The following HCRTR2 variants were observed in gnomAD, a reference collection of about 807,000 sequenced individuals.
HCRTR2 encodes hypocretin receptor 2.
Under a neutral mutation model 49.0 loss-of-function variants are expected in HCRTR2, and 22 were observed. The observed-to-expected ratio is 0.45, with a 90% CI of 0.32 to 0.64. The LOEUF is 0.64. Among genes scored for constraint, HCRTR2 ranks in the 30% least tolerant of loss-of-function variants. The pLI, the probability that HCRTR2 is intolerant of heterozygous loss-of-function variation, is 0.04. For synonymous variants in HCRTR2, 236 were observed against 205.3 expected (o/e 1.15, Z -1.28); for missense variants, 491 against 559.4 (o/e 0.88, Z 1.23).
chr6:55,174,316 G>A (rs1382731394), upstream of HCRTR2: 2 of 502,216 alleles, frequency 4.0e-6, no homozygotes, highest in Non-Finnish European at 7.2e-6. Context: ...TCTCCTCCTG[G>A]TGTCATTGCT....
At chr6:55,144,619 G>A (rs1561985812) in intron 1 of HCRTR2, among the ~76,000 whole-genome samples, 1 of 152,158 alleles carries the variant, frequency 6.6e-6, no homozygotes, top group African/African-American at 2.4e-5. Context: ...ATTCTCCTAA[G>A]TAGAGCGCAC....
At chr6:55,256,095 G>A (rs576278158) in intron 3 of HCRTR2, among the ~76,000 whole-genome samples, 10 of 152,056 alleles carry the variant, frequency 6.6e-5, no homozygotes, top group Non-Finnish European at 1.2e-4. Context: ...TGAGAATACT[G>A]CTATCAACAC....
At chr6:55,213,361 A>G (rs1485986664) in intron 1 of HCRTR2, among the ~76,000 whole-genome samples, 1 of 152,168 alleles carries the variant, frequency 6.6e-6, no homozygotes, top group Admixed American at 6.6e-5. Flanking sequence ...TACCTGTCAT[A>G]TGGGTCTTGT....
intron 1 of HCRTR2, among the ~76,000 whole-genome samples, chr6:55,187,829 T>G (rs997944820): frequency 1.3e-5 from 2 of 152,032 alleles, no homozygotes; most frequent in Admixed American, 6.6e-5. Flanking sequence ...CAGACTGGAG[T>G]GCAGTGGCGC....
At chr6:55,221,627 C>A (rs1765896973) in intron 1 of HCRTR2, among the ~76,000 whole-genome samples, 2 of 151,794 alleles carry the variant, frequency 1.3e-5, no homozygotes. Flanking sequence ...TCCTGGCTAA[C>A]ACAGTGAAAC....
At chr6:55,240,755 A>T (rs1183861039) in intron 1 of HCRTR2, 2 of 413,416 alleles carry the variant, frequency 4.8e-6, no homozygotes, top group African/African-American at 4.1e-5. Flanking sequence ...TTAAGTCTGG[A>T]TACTGTAATG....
At chr6:55,106,970 A>G (rs540591970) in intron 1 of HCRTR2, among the ~76,000 whole-genome samples, 2 of 152,272 alleles carry the variant, frequency 1.3e-5, no homozygotes, top group South Asian at 4.1e-4. Context: ...TCAAGGAGTC[A>G]TGAAAGCACC....
chr6:55,118,077 AGT>A (rs1329707220), intron 1 of HCRTR2, among the ~76,000 whole-genome samples: 1 of 151,662 alleles, frequency 6.6e-6, no homozygotes, highest in Non-Finnish European at 1.5e-5. Context: ...ACAAGGCCCC[AGT>A]GTGTGTGTTC....
intron 1 of HCRTR2, among the ~76,000 whole-genome samples, chr6:55,108,267 C>G (rs1764001640): frequency 6.6e-6 from 1 of 151,986 alleles, no homozygotes; most frequent in Non-Finnish European, 1.5e-5. Flanking sequence ...ACTTGCAGCT[C>G]CCACTCGGAT....
intron 1 of HCRTR2, among the ~76,000 whole-genome samples, chr6:55,175,462 G>T (rs1471087695): frequency 6.6e-6 from 1 of 152,072 alleles, no homozygotes. Context: ...GTACCACAGA[G>T]ATCTCAATCA....
chr6:55,241,961 C>T (rs781452508), intron 1 of HCRTR2, among the ~76,000 whole-genome samples: 8 of 150,098 alleles, frequency 5.3e-5, no homozygotes, highest in Non-Finnish European at 1.0e-4. Flanking sequence ...CTCCACCTCC[C>T]GGGTTCAAGC....
intron 1 of HCRTR2, among the ~76,000 whole-genome samples, chr6:55,120,002 T>C (rs988922350): frequency 3.3e-5 from 5 of 152,182 alleles, no homozygotes; most frequent in Admixed American, 2.0e-4. Flanking sequence ...TAGCCAGTTT[T>C]CCCAACACCG....
chr6:55,212,172 C>T (rs1012008590), intron 1 of HCRTR2, among the ~76,000 whole-genome samples: 1 of 152,150 alleles, frequency 6.6e-6, no homozygotes, highest in Non-Finnish European at 1.5e-5. Flanking sequence ...TAAGAGGTAT[C>T]TTTAGAACCC....
At chr6:55,167,478 A>G (rs1764893396) in intron 1 of HCRTR2, among the ~76,000 whole-genome samples, 1 of 152,058 alleles carries the variant, frequency 6.6e-6, no homozygotes, top group Admixed American at 6.6e-5. Context: ...CTGCTCACCT[A>G]AAAGTAAATT....
upstream of HCRTR2, among the ~76,000 whole-genome samples, chr6:55,173,945 A>G (rs886196710): frequency 2.0e-5 from 3 of 152,156 alleles, no homozygotes; most frequent in Admixed American, 6.5e-5. Context: ...TGACTTTTCC[A>G]TTGTCCTGCT....
chr6:55,174,464 C>T, upstream of HCRTR2: 1 of 843,594 alleles, frequency 1.2e-6, no homozygotes, highest in Non-Finnish European at 2.0e-6. Flanking sequence ...CTTTTCACGT[C>T]ATTTTCTGCT....
At chr6:55,117,435 A>G (rs1249362177) in intron 1 of HCRTR2, among the ~76,000 whole-genome samples, 1 of 151,654 alleles carries the variant, frequency 6.6e-6, no homozygotes, top group Admixed American at 6.6e-5. Context: ...TTTTTTACTG[A>G]TACACAATCG....
intron 3 of HCRTR2, among the ~76,000 whole-genome samples, chr6:55,257,745 T>A (rs1165429368): frequency 6.6e-6 from 1 of 151,840 alleles, no homozygotes; most frequent in Non-Finnish European, 1.5e-5. Flanking sequence ...GAAACAATTG[T>A]TGAATATGTA....
intron 1 of HCRTR2, among the ~76,000 whole-genome samples, chr6:55,159,190 C>T (rs908380658): frequency 6.6e-6 from 1 of 152,056 alleles, no homozygotes; most frequent in East Asian, 1.9e-4. Context: ...CTCCAGCAAA[C>T]TCCAGCAGAC....
Sources: allele counts gnomAD v4.1 joint callset (sites outside exome capture counted in the v4.1 genomes callset), GRCh38; gene constraint gnomAD v4.1.1; transcripts MANE v1.5; gene names NCBI Gene and HGNC (gene_info 2026-07-23, HGNC 2026-07-21).